CEP131: variants seen among roughly 807,000 people sequenced by gnomAD.
The protein encoded by CEP131 is centrosomal protein of 131 kDa.
In CEP131, 99 loss-of-function variants were observed where a neutral mutation model predicts 136.8. That is an observed-to-expected ratio of 0.72 (90% CI 0.62 to 0.86). The LOEUF (loss-of-function observed/expected upper bound fraction) is 0.86. Ranked by LOEUF, CEP131 falls within the 40% of genes least tolerant of loss-of-function variation. The probability of loss-of-function intolerance (pLI) is 0.00; values close to 1 mark genes in which losing one functional copy is unlikely to be tolerated. For missense variants in CEP131, 1,459 were observed against 1,463.0 expected, an observed-to-expected ratio of 1.00 and a Z score of 0.04; for synonymous variants, 646 against 612.7, an observed-to-expected ratio of 1.05 and a Z score of -0.80.
intron 2 of CEP131, among the ~76,000 whole-genome samples, chr17:81,211,108 A>C (rs571153043): frequency 6.6e-6 from 1 of 152,342 alleles, no homozygotes; most frequent in East Asian, 1.9e-4. Flanking sequence ...CTTCCAGACC[A>C]GGCTACAGAC....
chr17:81,200,405 C>T lies in CEP131; in HGVS notation c.830G>A (p.Arg277His), dbSNP rs760523014. Residue 277 changes from arginine to histidine, a missense_variant, in exon 8 of 26, where the codon CGC becomes CAC. Arg to His is a conservative substitution (Grantham distance 29). This residue lies in a region of CEP131 where 246 missense variants were observed against 318.9 expected (regional missense o/e 0.77). Transcript: ENST00000450824. The stretch of plus-strand genomic sequence containing the variant: ...CCGCTGCACCTGGTGCCGGTACCAG[C>T]GCTGGATGGTGACAGTGGCCTGGTT... ...QVNQATVTIQRWYRHQVQRRG... is the reference protein window; with the variant it reads ...QVNQATVTIQHWYRHQVQRRG... 7.7e-6 allele frequency: 12 copies of T among 1,560,124 alleles called. No individual in the cohort carries two copies. Among genetic ancestry groups the T allele is most frequent in the South Asian group, 3.5e-5 (3 of 84,966 alleles).
chr17:81,198,174 G>A lies in CEP131; in HGVS notation c.1411C>T (p.Pro471Ser). The A allele has an allele frequency of 1.3e-6, 2 of 1,580,292 alleles. No homozygotes were observed. The highest frequency in any genetic ancestry group is 1.8e-4 in the Middle Eastern group (1 of 5,680). Reference protein sequence around the residue: ...LHTLQLLEKEPDVLPRPRTHH... With the variant: ...LHTLQLLEKESDVLPRPRTHH... ...GTCCTGGGGCGGGGCAGCACGTCCGGCTCCTTCTCCAGCAGCTGCAGTGTG... is the reference window on the plus strand; with the variant it reads ...GTCCTGGGGCGGGGCAGCACGTCCGACTCCTTCTCCAGCAGCTGCAGTGTG... The change falls in exon 12 of 26, where the codon CCG becomes TCG. Residue 471 changes from proline (P) to serine (S), a missense_variant. By Grantham distance (74) the Pro-to-Ser change is moderately conservative (BLOSUM62 -1). Transcript: ENST00000450824.
Position 81,194,887 on chromosome 17 carries a change from T to A in CEP131, c.2102A>T (p.Lys701Met). 6.2e-7 allele frequency: 1 copy of A among 1,613,250 alleles called. No homozygotes were observed. Reference sequence around the variant, plus strand: ...GGGCCCACCTCGGACAGTGACCTCCTTGATCTTCTTGGTTTTCTCACTGAT... The same window carrying A: ...GGGCCCACCTCGGACAGTGACCTCCATGATCTTCTTGGTTTTCTCACTGAT... ...KWISEKTKKI[K>M]EVTVRGLEPE... The change falls in exon 17 of 26, where the codon AAG (lysine) becomes ATG (methionine). Residue 701 changes from lysine (K) to methionine (M), a missense_variant. By Grantham distance (95) the Lys-to-Met change is moderately conservative (BLOSUM62 -1). Coordinates refer to ENST00000450824, the MANE Select transcript of CEP131 (RefSeq NM_014984.4).
chr17:81,221,339 A>G (rs1178289313), intron 1 of CEP131, among the ~76,000 whole-genome samples: 6 of 152,086 alleles, frequency 3.9e-5, no homozygotes, highest in African/African-American at 1.4e-4. Flanking sequence ...GCCGGCCCCC[A>G]GCCCGTCCCC....
Position 81,191,290 on chromosome 17 carries a change from G to T in CEP131, c.2668C>A (p.Arg890=). The T allele has an allele frequency of 1.2e-6, 2 of 1,613,460 alleles. No individual in the cohort carries two copies. The highest frequency in any genetic ancestry group is 1.7e-6 in the Non-Finnish European group (2 of 1,179,948). Residue 890 remains arginine (R), a synonymous_variant, in exon 22 of 26, where the codon CGG becomes AGG. Transcript: ENST00000450824. ...NREQELREEI[R]KGRDKEIELV... is the part of the protein sequence containing the mutation. ...TCAATCTCCTTGTCCCGGCCTTTCCGGATTTCTTCCCTCAGCTCCTGTTCC... is the reference window on the plus strand; with the variant it reads ...TCAATCTCCTTGTCCCGGCCTTTCCTGATTTCTTCCCTCAGCTCCTGTTCC...
At chr17:81,209,273 C>T (rs2062082525) in intron 2 of CEP131, among the ~76,000 whole-genome samples, 1 of 152,206 alleles carries the variant, frequency 6.6e-6, no homozygotes, top group South Asian at 2.1e-4. Context: ...GAGCCCTTCA[C>T]CCCTGGCAGA....
chr17:81,192,505 C>T lies in CEP131; in HGVS notation c.2518G>A (p.Gly840Ser). The change falls in exon 20 of 26, where the codon GGC (glycine) becomes AGC (serine). Residue 840 changes from glycine (G) to serine (S), a missense_variant. Gly to Ser is a moderately conservative substitution (Grantham distance 56). Around this residue, in one of 3 missense-constraint regions of CEP131, gnomAD observed 1,026 missense variants for 964.2 expected, o/e 1.06. Transcript: ENST00000450824. Reference sequence around the variant, plus strand: ...TGCCGGCGCTCCTGCTCCTCCCTGCCCTTCTCAAACTCAGCCCTCAGGGCT... The same window carrying T: ...TGCCGGCGCTCCTGCTCCTCCCTGCTCTTCTCAAACTCAGCCCTCAGGGCT... ...TRALRAEFEK[G>S]REEQERRHQM... 1.2e-6 allele frequency: 2 copies of T among 1,611,730 alleles called. No individual in the cohort carries two copies. The highest frequency in any genetic ancestry group is 1.7e-6 in the Non-Finnish European group (2 of 1,179,784).
chr17:81,193,800 C>T (rs1272831703), intron 18 of CEP131, 126 bp downstream of exon 18: 16 of 1,087,830 alleles, frequency 1.5e-5, no homozygotes, highest in East Asian at 5.7e-5. Context: ...AAGGGCCCTG[C>T]GTCCTCCCTG....
Position 81,202,279 on chromosome 17 carries a change from A to T in CEP131, c.749T>A (p.Leu250Ter), listed in dbSNP as rs1256145634. The T allele has an allele frequency of 6.6e-7, 1 of 1,521,932 alleles. No individual in the cohort carries two copies. The highest frequency in any genetic ancestry group is 2.7e-5 in the East Asian group (1 of 37,442). 94.3% of individuals were successfully genotyped at this position (1,521,932 alleles called of 1,614,324 possible). A position where few individuals can be genotyped will look rare whatever the true frequency, so the allele number is the denominator to read the frequency against. The change falls in exon 7 of 26, where the codon TTG becomes TAG. Residue 250 changes from leucine to a stop codon, truncating the protein, a stop_gained. Coordinates refer to ENST00000450824, the MANE Select transcript of CEP131 (RefSeq NM_014984.4). LOFTEE classifies it high-confidence loss of function. ...ARNNTGGSTG[L>*]PRRKEVTEEE... ...CTCCGTCACCTCCTTCCGCCTGGGCAAGCCCGTGCTGCCCCCAGTATTGTT... is the reference window on the plus strand; with the variant it reads ...CTCCGTCACCTCCTTCCGCCTGGGCTAGCCCGTGCTGCCCCCAGTATTGTT...
intron 3 of CEP131, 137 bp from the exon 4 acceptor site, chr17:81,207,376 C>T: frequency 1.4e-6 from 1 of 727,388 alleles, no homozygotes; most frequent in South Asian, 1.7e-5. Context: ...GGCCCAAAGC[C>T]CCCATCTGAC....
intron 18 of CEP131, among the ~76,000 whole-genome samples, chr17:81,193,122 C>G (rs1399383323): frequency 6.6e-6 from 1 of 152,230 alleles, no homozygotes; most frequent in African/African-American, 2.4e-5. Flanking sequence ...TCCAGGCCCC[C>G]TTTTCCCTCA....
intron 2 of CEP131, among the ~76,000 whole-genome samples, chr17:81,214,850 G>A (rs1366411367): frequency 6.6e-6 from 1 of 152,028 alleles, no homozygotes; most frequent in Non-Finnish European, 1.5e-5. Flanking sequence ...TCGGCTCACT[G>A]CAAGTTCCGC....
rs746435622 is a variant in CEP131 at position 81,192,589 on chromosome 17, G to C, written c.2434C>G (p.Arg812Gly). 6.2e-7 allele frequency: 1 copy of C among 1,605,740 alleles called. No homozygotes were observed. Among genetic ancestry groups the C allele is most frequent in the South Asian group, 1.1e-5 (1 of 90,604 alleles). The change falls in exon 20 of 26, where the codon CGG (arginine) becomes GGG (glycine). Residue 812 changes from arginine (R) to glycine (G), a missense_variant. Physicochemically the swap from Arg to Gly is moderately radical, Grantham distance 125. Around this residue, in one of 3 missense-constraint regions of CEP131, gnomAD observed 1,026 missense variants for 964.2 expected, o/e 1.06. Transcript: ENST00000450824. ...TGCCTCAGCTCTTCCAGCTCCGCCC[G>C]CTGCCTGCGGCCAGGGAGGAGTCAG... ...ERLGQQAARQ[R>G]AELEELRQQL...
chr17:81,197,302 G>A (rs1404339287), intron 13 of CEP131: 2 of 582,140 alleles, frequency 3.4e-6, no homozygotes, highest in Non-Finnish European at 6.0e-6. Context: ...ATGCTGCCCA[G>A]CTTCCTGCCC....
rs763712074 is a variant in CEP131, at chr17:81,195,824, C to G, written c.2016+11G>C. 3 of 1,599,818 alleles carry G rather than the reference C, an allele frequency of 1.9e-6. No homozygotes were observed. The highest frequency in any genetic ancestry group is 1.1e-5 in the South Asian group (1 of 90,952). ...GCTTGGGACGCCGTGCAGTAGGGAG[C>G]AAAGCCTCACCAGCTCGTGCTGCGC... On this transcript the variant is annotated intron_variant, in intron 16 of 25. Coordinates refer to ENST00000450824, the MANE Select transcript of CEP131 (RefSeq NM_014984.4).
intron 16 of CEP131, among the ~76,000 whole-genome samples, chr17:81,195,239 G>C (rs1232609509): frequency 6.6e-6 from 1 of 152,238 alleles, no homozygotes; most frequent in East Asian, 1.9e-4. Flanking sequence ...GCCCCAGAGA[G>C]GGGTGCTGCT....
Position 81,217,248 on chromosome 17 carries a change from A to G in CEP131, c.177+2632T>C, listed in dbSNP as rs111912338. ...GTCTGGCACCGACATCTCTTGAGCC[A>G]GAAGACCAGCAGGAACTGCAGTTAC... is the stretch of plus-strand genomic sequence containing the variant. On this transcript the variant is annotated intron_variant, in intron 2 of 25. Transcript: ENST00000450824. Among the ~76,000 whole-genome samples, 504 of 152,322 alleles carry G rather than the reference A, an allele frequency of 3.3e-3. 1 individual carries two copies. The highest frequency in any genetic ancestry group is 0.011 in the African/African-American group (469 of 41,568).
intron 18 of CEP131, 76 bp downstream of exon 18, chr17:81,193,850 C>T: frequency 6.8e-7 from 1 of 1,466,160 alleles, no homozygotes. Context: ...TACATGGGAA[C>T]TCCACTCCAG....
chr17:81,191,172 C>G, intron 22 of CEP131, 21 bp downstream of exon 22: 1 of 1,610,988 alleles, frequency 6.2e-7, no homozygotes, highest in South Asian at 1.1e-5. Context: ...AGCTGGTGAC[C>G]CAGCCATGGC....
Sources: gnomAD v4.1 joint callset for allele counts (sites outside exome capture counted in the v4.1 genomes callset) on GRCh38, gnomAD v4.1.1 for gene constraint, gnomAD v4.1.1 regional missense constraint, MANE v1.5 for transcripts, NCBI Gene and HGNC (gene_info 2026-07-23, HGNC 2026-07-21) for gene names.